NXPE4: variants seen among roughly 807,000 people sequenced by gnomAD.
NXPE4 encodes neurexophilin and PC-esterase domain family member 4.
A neutral mutation model predicts 33.3 loss-of-function variants in NXPE4; 42 were observed. That is an observed-to-expected ratio of 1.26 (90% CI 0.98 to 1.63). NXPE4 has a LOEUF of 1.63. NXPE4 is among the 40% of genes most tolerant of loss of function. The probability of loss-of-function intolerance (pLI) is 0.00; values close to 1 mark genes in which losing one functional copy is unlikely to be tolerated. For missense variants in NXPE4, 709 were observed against 647.6 expected (o/e 1.09, Z -1.03); for synonymous variants, 253 against 234.9 (o/e 1.08, Z -0.71).
chr11:114,628,842 C>T, the NXPE4 span, among the ~76,000 whole-genome samples: 15 of 151,808 alleles, frequency 9.9e-5, no homozygotes, highest in African/African-American at 3.4e-4. Flanking sequence ...AAGGGGATAT[C>T]ACCACCGATC....
At chr11:114,611,874 G>T in the NXPE4 span, among the ~76,000 whole-genome samples, 4 of 150,852 alleles carry the variant, frequency 2.7e-5, no homozygotes, top group East Asian at 2.0e-4. Context: ...TGGTGTATGA[G>T]AAATATTGCC....
chr11:114,639,848 TATA>T, the NXPE4 span, among the ~76,000 whole-genome samples: 3 of 102,310 alleles, frequency 2.9e-5, no homozygotes, highest in Admixed American at 4.3e-4. Flanking sequence ...AAATATAAAA[TATA>T]ATATATATTA....
intron 2 of NXPE4, among the ~76,000 whole-genome samples, chr11:114,589,442 C>T (rs1949389805): frequency 6.6e-6 from 1 of 152,110 alleles, no homozygotes; most frequent in Non-Finnish European, 1.5e-5. Context: ...TGGGGTGTCT[C>T]ATAAACACTC....
the NXPE4 span, among the ~76,000 whole-genome samples, chr11:114,628,836 G>A: frequency 3.0e-4 from 45 of 151,588 alleles, no homozygotes; most frequent in African/African-American, 1.1e-3. Flanking sequence ...ATGATAAAGG[G>A]GATATCACCA....
chr11:114,662,054 A>G, the NXPE4 span, among the ~76,000 whole-genome samples: 2 of 152,176 alleles, frequency 1.3e-5, no homozygotes, highest in African/African-American at 2.4e-5. Context: ...TTTAACAACT[A>G]TCGACACAAA....
At chr11:114,659,034 T>G in the NXPE4 span, among the ~76,000 whole-genome samples, 1 of 152,258 alleles carries the variant, frequency 6.6e-6, no homozygotes, top group East Asian at 1.9e-4. Context: ...AAAACAATAC[T>G]CACCTTAAGC....
At chr11:114,636,482 A>G in the NXPE4 span, among the ~76,000 whole-genome samples, 2 of 151,564 alleles carry the variant, frequency 1.3e-5, no homozygotes, top group East Asian at 1.9e-4. Flanking sequence ...CTCTGATTTT[A>G]GTTATTTCTT....
At chr11:114,648,476 T>C in the NXPE4 span, among the ~76,000 whole-genome samples, 1 of 152,218 alleles carries the variant, frequency 6.6e-6, no homozygotes, top group Admixed American at 6.5e-5. Flanking sequence ...TCACCTACAT[T>C]GGGGAGGACA....
the NXPE4 span, among the ~76,000 whole-genome samples, chr11:114,665,875 T>C: frequency 6.6e-6 from 1 of 152,176 alleles, no homozygotes; most frequent in Non-Finnish European, 1.5e-5. Flanking sequence ...TACAATGCAC[T>C]AGGACCTTTG....
At chr11:114,571,957 C>T (rs1235366136) in intron 5 of NXPE4, among the ~76,000 whole-genome samples, 1 of 152,206 alleles carries the variant, frequency 6.6e-6, no homozygotes, top group Non-Finnish European at 1.5e-5. Flanking sequence ...AAAACCAGCA[C>T]ACTAAACAAA....
the NXPE4 span, among the ~76,000 whole-genome samples, chr11:114,612,541 A>T: frequency 6.6e-6 from 1 of 151,826 alleles, no homozygotes; most frequent in Non-Finnish European, 1.5e-5. Flanking sequence ...CCCTGTGTCT[A>T]ATAAGTGTTG....
chr11:114,631,189 C>T, the NXPE4 span, among the ~76,000 whole-genome samples: 1 of 151,934 alleles, frequency 6.6e-6, no homozygotes, highest in Admixed American at 6.6e-5. Flanking sequence ...ACCCAAAGGG[C>T]TATAAATCAT....
rs1324897555 is a variant in NXPE4, at chr11:114,571,438, A to G, written c.1135T>C (p.Leu379=). ...KSVDLHESGK[L]QHQLAVDLDR... Reference sequence around the variant, plus strand: ...AAATCCACAGCAAGCTGGTGTTGCAATTTTCCAGATTCATGCAGATCCACT... The same window carrying G: ...AAATCCACAGCAAGCTGGTGTTGCAGTTTTCCAGATTCATGCAGATCCACT... Residue 379 remains leucine (L), a synonymous_variant, in exon 6 of 6, where the codon TTG becomes CTG. Coordinates refer to ENST00000375478, the MANE Select transcript of NXPE4 (RefSeq NM_001077639.2). 3.1e-6 allele frequency: 5 copies of G among 1,610,088 alleles called. No homozygotes were observed. Among genetic ancestry groups the G allele is most frequent in the Admixed American group, 3.3e-5 (2 of 59,912 alleles).
the NXPE4 span, among the ~76,000 whole-genome samples, chr11:114,615,394 T>C: frequency 6.6e-6 from 1 of 152,104 alleles, no homozygotes; most frequent in African/African-American, 2.4e-5. Context: ...AAGTATTGCC[T>C]CGGTAACCAC....
chr11:114,618,353 A>G, the NXPE4 span, among the ~76,000 whole-genome samples: 4 of 152,006 alleles, frequency 2.6e-5, no homozygotes, highest in African/African-American at 9.6e-5. Context: ...TACCTGGTCA[A>G]TAATAAGTGT....
the NXPE4 span, among the ~76,000 whole-genome samples, chr11:114,651,999 G>C: frequency 6.6e-6 from 1 of 152,164 alleles, no homozygotes; most frequent in East Asian, 1.9e-4. Flanking sequence ...CCAGGTTGAA[G>C]TGGAACTTGA....
At chr11:114,618,160 G>T in the NXPE4 span, among the ~76,000 whole-genome samples, 1 of 151,284 alleles carries the variant, frequency 6.6e-6, no homozygotes, top group Non-Finnish European at 1.5e-5. Flanking sequence ...GTATTGCCTC[G>T]TGGGTAACCA....
intron 2 of NXPE4, among the ~76,000 whole-genome samples, chr11:114,592,290 A>C (rs567065340): frequency 6.6e-6 from 1 of 152,296 alleles, no homozygotes; most frequent in South Asian, 2.1e-4. Context: ...ACTTCAGTGA[A>C]AAACTGTCAG....
At chr11:114,647,917 G>A in the NXPE4 span, among the ~76,000 whole-genome samples, 137 of 152,164 alleles carry the variant, frequency 9.0e-4, 1 homozygote, top group East Asian at 0.021. Context: ...GCCCAGTCTC[G>A]TCTTGAACTC....
Sources: allele counts gnomAD v4.1 joint callset (sites outside exome capture counted in the v4.1 genomes callset), GRCh38; gene constraint gnomAD v4.1.1; transcripts MANE v1.5; gene names NCBI Gene and HGNC (gene_info 2026-07-23, HGNC 2026-07-21).